The following STX17 variants were observed in gnomAD, a reference collection of about 807,000 sequenced individuals.
STX17 encodes the protein syntaxin-17.
Under a neutral mutation model 35.9 loss-of-function variants are expected in STX17, and 29 were observed. The ratio of observed to expected loss-of-function variants is 0.81; its 90% CI spans 0.60 to 1.10. The LOEUF is 1.10. STX17 is among the 50% of genes least tolerant of loss of function. The pLI, the probability that STX17 is intolerant of heterozygous loss-of-function variation, is 0.00. For synonymous variants in STX17, 92 were observed against 118.3 expected (o/e 0.78, Z 1.44); for missense variants, 312 against 352.3 (o/e 0.89, Z 0.92).
rs1353233914 is a variant in STX17 at position 99,968,660 on chromosome 9, AG to A, written c.897del (p.Lys300AsnfsTer18). The A allele has an allele frequency of 6.2e-7, 1 of 1,613,566 alleles. No homozygotes were observed. Among genetic ancestry groups the A allele is most frequent in the Non-Finnish European group, 8.5e-7 (1 of 1,179,720 alleles). Reference protein sequence around the residue: ...SCPDLPSQTDKKCS With the variant: ...SCPDLPSQTDXKCS ...CCAGATCTTCCCAGCCAAACTGACA[AG>A]AAATGCAGTTAAAAACCAAATTTCA... On this transcript the variant is annotated frameshift_variant, in exon 8 of 8. Coordinates refer to ENST00000259400, the MANE Select transcript of STX17 (RefSeq NM_017919.3). LOFTEE classifies it high-confidence loss of function.
chr9:99,965,972 A>C (rs1740285444), intron 6 of STX17, among the ~76,000 whole-genome samples: 1 of 152,210 alleles, frequency 6.6e-6, no homozygotes, highest in African/African-American at 2.4e-5. Flanking sequence ...GTCTAAGAGC[A>C]CATAGTGGCG....
At chr9:99,933,748 G>A (rs1221290208) in intron 3 of STX17, among the ~76,000 whole-genome samples, 1 of 152,106 alleles carries the variant, frequency 6.6e-6, no homozygotes, top group Non-Finnish European at 1.5e-5. Context: ...CAGAAGTAAA[G>A]CTGCTTATTT....
At chr9:99,913,888 A>G (rs906882102) in intron 1 of STX17, 14 of 152,202 alleles carry the variant, frequency 9.2e-5, no homozygotes, top group African/African-American at 3.4e-4. Context: ...TAAATATTTA[A>G]TGTTTTGGGG....
At chr9:99,909,294 CT>C (rs750002921) in intron 1 of STX17, among the ~76,000 whole-genome samples, 1 of 151,562 alleles carries the variant, frequency 6.6e-6, no homozygotes, top group Non-Finnish European at 1.5e-5. Context: ...GGGAAAGAGT[CT>C]AAAGGTAGAC....
chr9:99,932,407 A>C (rs562653315), intron 3 of STX17, among the ~76,000 whole-genome samples: 1 of 152,174 alleles, frequency 6.6e-6, no homozygotes, highest in Admixed American at 6.5e-5. Context: ...AGCTGTATTT[A>C]CTGCTTGCTA....
chr9:99,943,243 C>G (rs895730136), intron 3 of STX17, among the ~76,000 whole-genome samples: 1 of 152,098 alleles, frequency 6.6e-6, no homozygotes, highest in African/African-American at 2.4e-5. Flanking sequence ...AAGTGATTCT[C>G]CTGCCTCAGC....
At chr9:99,934,858 ATTAAC>A (rs1314746211) in intron 3 of STX17, among the ~76,000 whole-genome samples, 2 of 152,330 alleles carry the variant, frequency 1.3e-5, no homozygotes, top group Non-Finnish European at 2.9e-5. Flanking sequence ...AGAATTTTCA[ATTAAC>A]TTAAAATAAT....
At chr9:99,949,942 T>TGCACAC (rs1554701433) in intron 3 of STX17, among the ~76,000 whole-genome samples, 1 of 149,088 alleles carries the variant, frequency 6.7e-6, no homozygotes, top group Non-Finnish European at 1.5e-5. Context: ...CACACATGTA[T>TGCACAC]ACACACACAC....
At chr9:99,930,495 C>T (rs1294776884) in intron 3 of STX17, among the ~76,000 whole-genome samples, 1 of 150,942 alleles carries the variant, frequency 6.6e-6, no homozygotes, top group African/African-American at 2.4e-5. Flanking sequence ...TCTCGATCTC[C>T]TGAGCTCGTG....
intron 4 of STX17, among the ~76,000 whole-genome samples, 188 bp from the exon 5 acceptor site, chr9:99,959,729 G>A (rs1829789936): frequency 6.6e-6 from 1 of 152,112 alleles, no homozygotes; most frequent in Non-Finnish European, 1.5e-5. Flanking sequence ...CCAAAGTGCT[G>A]AGATTATAGG....
At chr9:99,966,824 C>T (rs1049252163) in intron 6 of STX17, among the ~76,000 whole-genome samples, 1 of 152,132 alleles carries the variant, frequency 6.6e-6, no homozygotes, top group Non-Finnish European at 1.5e-5. Flanking sequence ...GTAATGAGTT[C>T]GTGTCACTGG....
At position 99,935,265 on chromosome 9, in the gene STX17, G is replaced by C. The variant is rs373018926; in HGVS notation, c.189+6422G>C. On this transcript the variant is annotated intron_variant, in intron 3 of 7. Transcript: ENST00000259400. ...GAATGGCGTGAACCCAGGAGGAGGA[G>C]CTTGCAGTGAGCCGAGATCACACCA... 6.9e-3 allele frequency among the ~76,000 whole-genome samples: 1,028 copies of C among 147,994 alleles called. 11 individuals carry two copies. Among genetic ancestry groups the C allele is most frequent in the African/African-American group, 0.024 (949 of 39,872 alleles).
In STX17 at chr9:99,971,746, G is replaced by A. The variant is rs145096560; in HGVS notation, c.*3073G>A. On this transcript the variant is annotated 3_prime_UTR_variant, in exon 8 of 8. Transcript: ENST00000259400. ...ATACAAAATTGAGATGGGGGTTGGG[G>A]GCAGGGGCTCATGCCTGCAATCCCA... is the stretch of plus-strand genomic sequence containing the variant. Among the ~76,000 whole-genome samples, 1 of 152,290 alleles carries A rather than the reference G, an allele frequency of 6.6e-6. No individual in the cohort carries two copies. The highest frequency in any genetic ancestry group is 2.4e-5 in the African/African-American group (1 of 41,562).
At position 99,972,307 on chromosome 9, in the gene STX17, TATC is replaced by T. The variant is rs1478638732; in HGVS notation, c.*3637_*3639del. Among the ~76,000 whole-genome samples, 3 of 152,246 alleles carry T rather than the reference TATC, an allele frequency of 2.0e-5. No individual in the cohort carries two copies. The highest frequency in any genetic ancestry group is 4.4e-5 in the Non-Finnish European group (3 of 68,040). On this transcript the variant is annotated 3_prime_UTR_variant, in exon 8 of 8. Coordinates refer to ENST00000259400, the MANE Select transcript of STX17 (RefSeq NM_017919.3). ...ACTTTAATGCTTTTTAAAACAAATT[TATC>T]ATAATTCATAGATCAAATGATTATC...
At chr9:99,911,322 C>T (rs1372018953) in intron 1 of STX17, among the ~76,000 whole-genome samples, 1 of 152,114 alleles carries the variant, frequency 6.6e-6, no homozygotes, top group South Asian at 2.1e-4. Context: ...CATGAGCCAT[C>T]GCGCCTGACC....
chr9:99,919,636 A>G (rs1828852350), intron 2 of STX17, among the ~76,000 whole-genome samples: 1 of 152,170 alleles, frequency 6.6e-6, no homozygotes, highest in African/African-American at 2.4e-5. Context: ...ATTTTGGAAA[A>G]GAGTAGAGAT....
chr9:99,969,662 G>T lies in STX17; in HGVS notation c.*989G>T, dbSNP rs1185856528. 6.6e-6 allele frequency: 1 copy of T among 152,376 alleles called. No homozygotes were observed. The highest frequency in any genetic ancestry group is 2.4e-5 in the African/African-American group (1 of 41,356). The allele number at this position is 152,376 out of a possible 1,614,324, so 9.4% of individuals were successfully genotyped here. On this transcript the variant is annotated 3_prime_UTR_variant, in exon 8 of 8. Transcript: ENST00000259400. ...CTGGGGCATGTTCCAGTTTTGAGGG[G>T]TGATATATCTGCCAGATAGGGGGTA... is the stretch of plus-strand genomic sequence containing the variant.
At chr9:99,957,899 T>C (rs1418348459) in intron 4 of STX17, among the ~76,000 whole-genome samples, 1 of 152,014 alleles carries the variant, frequency 6.6e-6, no homozygotes, top group Non-Finnish European at 1.5e-5. Flanking sequence ...GTGGTTTTTT[T>C]ACTCTCTAAT....
At chr9:99,959,571 C>A (rs767613589) in intron 4 of STX17, among the ~76,000 whole-genome samples, 2 of 151,398 alleles carry the variant, frequency 1.3e-5, no homozygotes, top group African/African-American at 2.4e-5. Context: ...GTGATCCCCC[C>A]ACCTCAGCCT....
Sources: gnomAD v4.1 joint callset for allele counts (sites outside exome capture counted in the v4.1 genomes callset) on GRCh38, gnomAD v4.1.1 for gene constraint, MANE v1.5 for transcripts, NCBI Gene and HGNC (gene_info 2026-07-23, HGNC 2026-07-21) for gene names.